The following THADA variants were observed in gnomAD, a reference collection of about 807,000 sequenced individuals.
THADA encodes THADA armadillo repeat containing, also known as tRNA (32-2'-O)-methyltransferase regulator THADA.
In THADA, 213 loss-of-function variants were observed where a neutral mutation model predicts 219.8. The observed-to-expected ratio is 0.97, with a 90% CI of 0.87 to 1.09. The LOEUF (loss-of-function observed/expected upper bound fraction) is 1.09. THADA is among the 50% of genes least tolerant of loss of function. The pLI is 0.00. For synonymous variants in THADA, 1,018 were observed against 828.9 expected, an observed-to-expected ratio of 1.23 and a Z score of -3.92; for missense variants, 2,956 against 2,311.3, an observed-to-expected ratio of 1.28 and a Z score of -5.72.
rs191833610 is a variant in THADA, at chr2:43,399,777, A to G, written c.4059-1638T>C. 3.3e-5 allele frequency among the ~76,000 whole-genome samples: 5 copies of G among 152,304 alleles called. No individual in the cohort carries two copies. In the East Asian group the frequency reaches 9.6e-4, roughly 29 times the overall value. On this transcript the variant is annotated intron_variant, in intron 28 of 37. Coordinates refer to ENST00000405975, the MANE Select transcript of THADA (RefSeq NM_022065.5). ...TCTCACTTATTCTTTTTAAGTGATT[A>G]AATGTTTAATCTGTAATTGGCAAAT...
At chr2:43,236,178 G>T (rs1668011025) in intron 36 of THADA, among the ~76,000 whole-genome samples, 1 of 152,198 alleles carries the variant, frequency 6.6e-6, no homozygotes, top group Non-Finnish European at 1.5e-5. Flanking sequence ...ACAGGCAAAA[G>T]GGAAGAGCTG....
At chr2:43,377,845 A>C (rs1671554881) in intron 29 of THADA, among the ~76,000 whole-genome samples, 1 of 152,198 alleles carries the variant, frequency 6.6e-6, no homozygotes, top group Non-Finnish European at 1.5e-5. Flanking sequence ...CTGTTCCTGA[A>C]GATGAGCTAA....
chr2:43,273,857 G>A (rs1672415640), intron 36 of THADA, among the ~76,000 whole-genome samples: 1 of 152,090 alleles, frequency 6.6e-6, no homozygotes, highest in Non-Finnish European at 1.5e-5. Flanking sequence ...TTTCATGCTG[G>A]CTCACGGGCT....
intron 29 of THADA, among the ~76,000 whole-genome samples, chr2:43,386,377 T>C (rs576874414): frequency 6.6e-6 from 1 of 152,002 alleles, no homozygotes; most frequent in African/African-American, 2.4e-5. Context: ...CATTTTAATA[T>C]AATAGATGTA....
chr2:43,434,842 G>A (rs945368518), intron 26 of THADA, among the ~76,000 whole-genome samples: 1 of 152,192 alleles, frequency 6.6e-6, no homozygotes, highest in African/African-American at 2.4e-5. Context: ...AGGCAAGGGG[G>A]TCTAATTGAG....
chr2:43,397,228 T>C (rs1458257849), intron 29 of THADA, among the ~76,000 whole-genome samples: 1 of 152,126 alleles, frequency 6.6e-6, no homozygotes, highest in Non-Finnish European at 1.5e-5. Context: ...AGGCCATCTC[T>C]CAACTCTGTT....
intron 31 of THADA, among the ~76,000 whole-genome samples, chr2:43,314,782 A>G (rs1195418421): frequency 6.6e-6 from 1 of 152,196 alleles, no homozygotes; most frequent in Non-Finnish European, 1.5e-5. Flanking sequence ...ACTAACGATG[A>G]CAGCTGGATT....
At chr2:43,233,036 T>C in intron 36 of THADA, 154 bp from the exon 37 acceptor site, 1 of 712,400 alleles carries the variant, frequency 1.4e-6, no homozygotes, top group Non-Finnish European at 2.3e-6. Flanking sequence ...TGGAGACGAT[T>C]AATCACCTTC....
chr2:43,233,753 CA>C (rs1321181786), intron 36 of THADA, among the ~76,000 whole-genome samples: 2 of 152,152 alleles, frequency 1.3e-5, no homozygotes, highest in African/African-American at 4.8e-5. Context: ...GAGGGAGGCT[CA>C]GGGGTGTTGT....
At chr2:43,373,059 T>C (rs892295670) in intron 29 of THADA, among the ~76,000 whole-genome samples, 13 of 151,894 alleles carry the variant, frequency 8.6e-5, no homozygotes, top group Non-Finnish European at 1.2e-4. Context: ...ATGCTACCAA[T>C]AGGAAAACAA....
chr2:43,293,298 C>G (rs1382464688), intron 31 of THADA, 85 bp from the exon 32 acceptor site: 1 of 1,439,088 alleles, frequency 6.9e-7, no homozygotes, highest in African/African-American at 1.4e-5. Flanking sequence ...ACTGAATCCA[C>G]TGCGTGAGGC....
At chr2:43,284,153 TG>T (rs1176376734) in intron 35 of THADA, among the ~76,000 whole-genome samples, 11 of 152,000 alleles carry the variant, frequency 7.2e-5, no homozygotes, top group African/African-American at 2.4e-4. Context: ...CACTGCAGCC[TG>T]GAAAACAAGA....
In THADA at chr2:43,346,357, T is replaced by C. The variant is rs182270970; in HGVS notation, c.4228-2120A>G. On this transcript the variant is annotated intron_variant, in intron 29 of 37. Coordinates refer to ENST00000405975, the MANE Select transcript of THADA (RefSeq NM_022065.5). ...CATCCTTTGGCATGAGGTCCAGGTATAAGGCCAGGCCCTTTGAAACTAAGA... is the reference window on the plus strand; with the variant it reads ...CATCCTTTGGCATGAGGTCCAGGTACAAGGCCAGGCCCTTTGAAACTAAGA... 4.8e-4 allele frequency among the ~76,000 whole-genome samples: 73 copies of C among 152,294 alleles called. 1 individual carries two copies. Among genetic ancestry groups the C allele is most frequent in the African/African-American group, 1.7e-3 (72 of 41,548 alleles).
intron 26 of THADA, among the ~76,000 whole-genome samples, chr2:43,460,626 T>C (rs924947870): frequency 2.6e-5 from 4 of 152,152 alleles, no homozygotes; most frequent in African/African-American, 4.8e-5. Context: ...TGGAGGACAC[T>C]CGTACATAAA....
intron 36 of THADA, among the ~76,000 whole-genome samples, chr2:43,272,295 C>T (rs1572861741): frequency 6.6e-6 from 1 of 152,162 alleles, no homozygotes; most frequent in East Asian, 1.9e-4. Context: ...AGATGGGAAG[C>T]CAAGAGAGAG....
intron 26 of THADA, among the ~76,000 whole-genome samples, chr2:43,474,906 G>A (rs1470446429): frequency 1.3e-5 from 2 of 152,100 alleles, no homozygotes; most frequent in African/African-American, 4.8e-5. Flanking sequence ...CTAAGCCTGA[G>A]CGGTCTGCCC....
At chr2:43,538,156 A>C (rs1349389649) in intron 21 of THADA, among the ~76,000 whole-genome samples, 1 of 152,180 alleles carries the variant, frequency 6.6e-6, no homozygotes, top group Non-Finnish European at 1.5e-5. Context: ...TGTTTTAAAA[A>C]ATCAGTAGGC....
chr2:43,369,673 G>A (rs1001616224), intron 29 of THADA, among the ~76,000 whole-genome samples: 3 of 152,084 alleles, frequency 2.0e-5, no homozygotes, highest in Non-Finnish European at 4.4e-5. Context: ...CAGGCACTTG[G>A]GAATCCATAT....
In THADA at chr2:43,574,604, G is replaced by C. The variant is rs751035278; in HGVS notation, c.1461C>G (p.Asp487Glu). Residue 487 changes from aspartate (D) to glutamate (E), a missense_variant, in exon 11 of 38, where the codon GAC (aspartate) becomes GAG (glutamate). Transcript: ENST00000405975. ...CACTTGCATAAGGTACCAATGACTG[G>C]TCTCCCATCACCTCTAAGATTTGAG... is the stretch of plus-strand genomic sequence containing the variant. Reference protein sequence around the residue: ...IPSQILEVMGDQSLVPYASDL... With the variant: ...IPSQILEVMGEQSLVPYASDL... 21 of 1,613,946 alleles carry C rather than the reference G, an allele frequency of 1.3e-5. No homozygotes were observed. Among genetic ancestry groups the C allele is most frequent in the Non-Finnish European group, 1.7e-5 (20 of 1,179,892 alleles).
Sources: gnomAD v4.1 joint callset for allele counts (sites outside exome capture counted in the v4.1 genomes callset) on GRCh38, gnomAD v4.1.1 for gene constraint, MANE v1.5 for transcripts, NCBI Gene and HGNC (gene_info 2026-07-23, HGNC 2026-07-21) for gene names.